TECTA: variants seen among roughly 807,000 people sequenced by gnomAD.
TECTA encodes the protein alpha-tectorin.
Under a neutral mutation model 216.8 loss-of-function variants are expected in TECTA, and 128 were observed. That is an observed-to-expected ratio of 0.59 (90% CI 0.51 to 0.68). The LOEUF (loss-of-function observed/expected upper bound fraction) is 0.68. Ranked by LOEUF, TECTA falls within the 30% of genes least tolerant of loss-of-function variation. The pLI is 0.00. For missense variants in TECTA, 2,551 were observed against 2,786.2 expected, an observed-to-expected ratio of 0.92 and a Z score of 1.90; for synonymous variants, 1,089 against 1,117.1, an observed-to-expected ratio of 0.97 and a Z score of 0.50.
intron 8 of TECTA, 37 bp downstream of exon 8, chr11:121,125,909 T>G (rs1230697700): frequency 1.3e-6 from 2 of 1,597,406 alleles, no homozygotes; most frequent in Middle Eastern, 1.9e-4. Flanking sequence ...AGGTCTCTCT[T>G]GTGCAGGGGG....
intron 10 of TECTA, among the ~76,000 whole-genome samples, chr11:121,131,082 CGG>C (rs1327476734): frequency 6.6e-6 from 1 of 151,958 alleles, no homozygotes; most frequent in African/African-American, 2.4e-5. Context: ...GGCGTGGTGG[CGG>C]GGGCCTGTGG....
chr11:121,106,517 T>A (rs1399607799), intron 3 of TECTA, among the ~76,000 whole-genome samples: 1 of 152,146 alleles, frequency 6.6e-6, no homozygotes, highest in East Asian at 1.9e-4. Flanking sequence ...CCATTTGTGA[T>A]CAGAGCTCTC....
At chr11:121,140,202 A>G (rs1946770664) in intron 11 of TECTA, among the ~76,000 whole-genome samples, 1 of 152,170 alleles carries the variant, frequency 6.6e-6, no homozygotes, top group East Asian at 1.9e-4. Flanking sequence ...ATCTGAGGCT[A>G]CGCATGTTGG....
chr11:121,109,991 TA>T (rs1946428262), intron 4 of TECTA: 1 of 179,372 alleles, frequency 5.6e-6, no homozygotes, highest in African/African-American at 2.4e-5. Flanking sequence ...CTCATTTTAT[TA>T]TGTTGTGACA....
chr11:121,129,987 A>C lies in TECTA; in HGVS notation c.2717A>C (p.Tyr906Ser), dbSNP rs1211444446. 6.2e-7 allele frequency: 1 copy of C among 1,605,492 alleles called. No homozygotes were observed. Among genetic ancestry groups the C allele is most frequent in the South Asian group, 1.1e-5 (1 of 90,064 alleles). Residue 906 changes from tyrosine to serine, a missense_variant, in exon 10 of 24, where the codon TAT (tyrosine) becomes TCT (serine). This residue lies in a region of TECTA where 2,375 missense variants were observed against 2,563.9 expected (regional missense o/e 0.93). Coordinates refer to ENST00000392793, the MANE Select transcript of TECTA (RefSeq NM_005422.4). ...AATGACTCGGAGCTGCTCAAGTTTT[A>C]TCGAAGCCGCTCCAGGTGCGGCATC... ...CNNDSELLKF[Y>S]RSRSRCGIIN...
At chr11:121,156,580 G>A (rs895592560) in intron 13 of TECTA, among the ~76,000 whole-genome samples, 1 of 152,052 alleles carries the variant, frequency 6.6e-6, no homozygotes, top group Non-Finnish European at 1.5e-5. Flanking sequence ...CTGACCTCCG[G>A]TGATCCACCC....
At chr11:121,158,323 G>T (rs1946965480) in intron 14 of TECTA, 99 bp downstream of exon 14, 1 of 1,501,694 alleles carries the variant, frequency 6.7e-7, no homozygotes, top group Non-Finnish European at 9.1e-7. Context: ...TTGTAGGATA[G>T]ATTGTTGCTT....
intron 20 of TECTA, among the ~76,000 whole-genome samples, chr11:121,181,793 G>A: frequency 6.6e-6 from 1 of 152,158 alleles, no homozygotes; most frequent in East Asian, 1.9e-4. Flanking sequence ...TGTTCTTATT[G>A]TGTCCTTGCT....
At chr11:121,142,906 G>A (rs1193048222) in intron 11 of TECTA, among the ~76,000 whole-genome samples, 1 of 151,982 alleles carries the variant, frequency 6.6e-6, no homozygotes, top group Non-Finnish European at 1.5e-5. Flanking sequence ...TTTCTACAGG[G>A]TCCTTCTCTT....
chr11:121,153,490 AT>A (rs1192338730), intron 13 of TECTA, among the ~76,000 whole-genome samples: 3 of 152,192 alleles, frequency 2.0e-5, no homozygotes, highest in African/African-American at 7.2e-5. Flanking sequence ...AGCTAAGGAC[AT>A]TTGTAACTGG....
intron 11 of TECTA, among the ~76,000 whole-genome samples, chr11:121,139,203 C>G (rs1394733006): frequency 6.6e-6 from 1 of 152,258 alleles, no homozygotes; most frequent in Non-Finnish European, 1.5e-5. Context: ...GTTTTCCTCT[C>G]TGCTCCTCCT....
chr11:121,124,600 A>G (rs1382834679), intron 7 of TECTA, among the ~76,000 whole-genome samples: 1 of 152,252 alleles, frequency 6.6e-6, no homozygotes, highest in Non-Finnish European at 1.5e-5. Context: ...TGCTGTAAGT[A>G]TCGATGCATG....
At chr11:121,103,042 C>T (rs1053648092) in intron 2 of TECTA, among the ~76,000 whole-genome samples, 2 of 152,110 alleles carry the variant, frequency 1.3e-5, no homozygotes, top group African/African-American at 4.8e-5. Context: ...GGGGTATGTG[C>T]ACTTCATGTC....
chr11:121,106,039 A>C, intron 3 of TECTA, 75 bp downstream of exon 3: 1 of 1,609,228 alleles, frequency 6.2e-7, no homozygotes, highest in South Asian at 1.1e-5. Context: ...CATTTTAAGT[A>C]TCCTCTTCCA....
intron 11 of TECTA, among the ~76,000 whole-genome samples, chr11:121,144,293 A>G (rs1308597798): frequency 6.6e-6 from 1 of 152,152 alleles, no homozygotes; most frequent in Non-Finnish European, 1.5e-5. Flanking sequence ...TTTCAATTGC[A>G]TTAAGATTAT....
rs550746105 is a variant in TECTA, at chr11:121,143,668, G to A, written c.3544-1887G>A. ...AGTGGTGCCAAATCAATGTCTACTGGATGAATGTATGAATTCTGCCTCAAC... is the reference window on the plus strand; with the variant it reads ...AGTGGTGCCAAATCAATGTCTACTGAATGAATGTATGAATTCTGCCTCAAC... On this transcript the variant is annotated intron_variant, in intron 11 of 23. Coordinates refer to ENST00000392793, the MANE Select transcript of TECTA (RefSeq NM_005422.4). Among the ~76,000 whole-genome samples the A allele has an allele frequency of 2.6e-5, 4 of 152,360 alleles. No homozygotes were observed. In the South Asian group the frequency reaches 8.3e-4, roughly 32 times the overall value.
At chr11:121,110,295 C>T (rs1946430405) in intron 4 of TECTA, 1 of 152,048 alleles carries the variant, frequency 6.6e-6, no homozygotes, top group Non-Finnish European at 1.5e-5. Flanking sequence ...TTCTAGTAAG[C>T]AAAGACACTC....
At chr11:121,174,726 C>T (rs1167902013) in intron 20 of TECTA, among the ~76,000 whole-genome samples, 1 of 152,066 alleles carries the variant, frequency 6.6e-6, no homozygotes, top group African/African-American at 2.4e-5. Context: ...AGGGAGGATT[C>T]CCTCTTTTTC....
chr11:121,110,970 A>T (rs920406486), intron 4 of TECTA, among the ~76,000 whole-genome samples: 1 of 152,132 alleles, frequency 6.6e-6, no homozygotes, highest in African/African-American at 2.4e-5. Context: ...CATCTTTGAA[A>T]TTGGCCCCAC....
Sources: gnomAD v4.1 joint callset for allele counts (sites outside exome capture counted in the v4.1 genomes callset) on GRCh38, gnomAD v4.1.1 for gene constraint, gnomAD v4.1.1 regional missense constraint, MANE v1.5 for transcripts, NCBI Gene and HGNC (gene_info 2026-07-23, HGNC 2026-07-21) for gene names.